LRRC8C: variants seen among roughly 807,000 people sequenced by gnomAD.
The protein encoded by LRRC8C is volume-regulated anion channel subunit LRRC8C.
A neutral mutation model predicts 55.3 loss-of-function variants in LRRC8C; 20 were observed. That is an observed-to-expected ratio of 0.36 (90% CI 0.25 to 0.53). The LOEUF is 0.53. Among genes scored for constraint, LRRC8C ranks in the 20% least tolerant of loss-of-function variants. The pLI, the probability that LRRC8C is intolerant of heterozygous loss-of-function variation, is 0.92. For missense variants in LRRC8C, 659 were observed against 951.4 expected, an observed-to-expected ratio of 0.69 and a Z score of 4.04; for synonymous variants, 376 against 360.7, an observed-to-expected ratio of 1.04 and a Z score of -0.48.
intron 1 of LRRC8C, among the ~76,000 whole-genome samples, chr1:89,657,710 A>C (rs759376078): frequency 6.9e-6 from 1 of 144,886 alleles, no homozygotes; most frequent in Non-Finnish European, 1.5e-5. Flanking sequence ...CACTTACTTC[A>C]GCCTGGGTGA....
Position 89,714,490 on chromosome 1 carries a change from A to G in LRRC8C, c.1920A>G (p.Thr640=). ...IVSFQHLRKL[T]VLKLWHNSIT... is the part of the protein sequence containing the mutation. ...GCTTTCAGCACTTAAGAAAGTTGAC[A>G]GTGCTAAAACTGTGGCATAACAGCA... The change falls in exon 3 of 3, where the codon ACA becomes ACG. Residue 640 remains threonine, a synonymous_variant. Transcript: ENST00000370454. This position sits in a 1 kb window ranked among gnomAD's most constrained non-coding sequence, Gnocchi z 4.6. 1 of 1,614,188 alleles carries G rather than the reference A, an allele frequency of 6.2e-7. No individual in the cohort carries two copies. Among genetic ancestry groups the G allele is most frequent in the Non-Finnish European group, 8.5e-7 (1 of 1,180,016 alleles).
chr1:89,627,110 C>G, the LRRC8C span, among the ~76,000 whole-genome samples: 7 of 151,848 alleles, frequency 4.6e-5, no homozygotes, highest in Non-Finnish European at 1.0e-4. Flanking sequence ...AAGAAGACAT[C>G]TTATGAGTAA....
intron 2 of LRRC8C, among the ~76,000 whole-genome samples, chr1:89,691,598 C>T (rs1658029070): frequency 6.6e-6 from 1 of 152,160 alleles, no homozygotes; most frequent in Non-Finnish European, 1.5e-5. Context: ...ATTTAGTTCC[C>T]AGAACAAACC....
the LRRC8C span, among the ~76,000 whole-genome samples, chr1:89,617,931 T>G: frequency 6.6e-6 from 1 of 152,040 alleles, no homozygotes; most frequent in African/African-American, 2.4e-5. Context: ...GCTTCCATAC[T>G]CTCACCCCAT....
At chr1:89,621,256 C>G in the LRRC8C span, among the ~76,000 whole-genome samples, 1 of 146,302 alleles carries the variant, frequency 6.8e-6, no homozygotes, top group Admixed American at 7.0e-5. Context: ...GTCAGGAGAT[C>G]GAGATCATCC....
At chr1:89,631,681 T>C (rs1361080399), upstream of LRRC8C, 1 of 152,082 alleles carries the variant, frequency 6.6e-6, no homozygotes. Flanking sequence ...ATCTGCTGAC[T>C]AGGAGGTAAG....
chr1:89,661,412 T>C, intron 1 of LRRC8C: 1 of 291,298 alleles, frequency 3.4e-6, no homozygotes, highest in Non-Finnish European at 6.9e-6. Flanking sequence ...AAGAGGGAGA[T>C]CAAGCTTAGA....
At chr1:89,704,115 G>T (rs1658405897) in intron 2 of LRRC8C, among the ~76,000 whole-genome samples, 1 of 152,036 alleles carries the variant, frequency 6.6e-6, no homozygotes, top group Non-Finnish European at 1.5e-5. Context: ...TTTCTAATAT[G>T]CACAGGTTCT....
intron 1 of LRRC8C, among the ~76,000 whole-genome samples, chr1:89,638,576 A>G (rs1656359932): frequency 6.6e-6 from 1 of 152,174 alleles, no homozygotes; most frequent in Admixed American, 6.5e-5. Context: ...AATAGTCAAC[A>G]TATCTATAAA....
At chr1:89,676,881 C>G (rs1436395658) in intron 1 of LRRC8C, among the ~76,000 whole-genome samples, 1 of 152,132 alleles carries the variant, frequency 6.6e-6, no homozygotes, top group Non-Finnish European at 1.5e-5. Context: ...TAGCACAGAG[C>G]CTGACATACA....
chr1:89,704,621 A>G (rs1383834574), intron 2 of LRRC8C, among the ~76,000 whole-genome samples: 1 of 152,196 alleles, frequency 6.6e-6, no homozygotes, highest in African/African-American at 2.4e-5. Context: ...GAAAAGGGAA[A>G]GGGAGGACTC....
chr1:89,654,569 C>G (rs1449034461), intron 1 of LRRC8C, among the ~76,000 whole-genome samples: 1 of 152,072 alleles, frequency 6.6e-6, no homozygotes, highest in Non-Finnish European at 1.5e-5. Context: ...TTTTCTGTGT[C>G]CTTCTATGTC....
chr1:89,619,222 A>G, the LRRC8C span, among the ~76,000 whole-genome samples: 1 of 152,208 alleles, frequency 6.6e-6, no homozygotes, highest in Non-Finnish European at 1.5e-5. Context: ...TCATATCCAC[A>G]GAAGTTCTAC....
chr1:89,644,506 G>A (rs1656558613), intron 1 of LRRC8C, among the ~76,000 whole-genome samples: 1 of 152,170 alleles, frequency 6.6e-6, no homozygotes, highest in South Asian at 2.1e-4. Flanking sequence ...GAAATGGAGG[G>A]GAACTGATCC....
intron 1 of LRRC8C, among the ~76,000 whole-genome samples, chr1:89,679,798 A>G (rs921169774): frequency 2.6e-5 from 4 of 152,200 alleles, no homozygotes; most frequent in Non-Finnish European, 5.9e-5. Flanking sequence ...AGGTGATACT[A>G]TTTACCCACT....
At chr1:89,645,518 C>A (rs935653310) in intron 1 of LRRC8C, among the ~76,000 whole-genome samples, 3 of 152,160 alleles carry the variant, frequency 2.0e-5, no homozygotes, top group Non-Finnish European at 4.4e-5. Context: ...ATCTGAAAAG[C>A]ACATTATACC....
chr1:89,650,510 T>C (rs927361173), intron 1 of LRRC8C, among the ~76,000 whole-genome samples: 1 of 131,314 alleles, frequency 7.6e-6, no homozygotes, highest in African/African-American at 2.7e-5. Context: ...AAAAAAAAGG[T>C]ATATTTCCCC....
At chr1:89,661,516 G>A (rs12406924) in intron 1 of LRRC8C, among the ~76,000 whole-genome samples, 6 of 152,030 alleles carry the variant, frequency 3.9e-5, no homozygotes, top group African/African-American at 1.5e-4. Context: ...CCAGGCTCTG[G>A]CCTAAGTAGT....
chr1:89,663,280 C>T (rs764417011), intron 1 of LRRC8C, among the ~76,000 whole-genome samples: 4 of 152,102 alleles, frequency 2.6e-5, no homozygotes, highest in African/African-American at 7.2e-5. Flanking sequence ...CTGCAATAAA[C>T]ACACATGTGG....
Sources: gnomAD v4.1 joint callset for allele counts (sites outside exome capture counted in the v4.1 genomes callset) on GRCh38, gnomAD v4.1.1 for gene constraint, Gnocchi (gnomAD v3.1) non-coding constraint, MANE v1.5 for transcripts, NCBI Gene and HGNC (gene_info 2026-07-23, HGNC 2026-07-21) for gene names.